The following SULT1A1 variants were observed in gnomAD, a reference collection of about 807,000 sequenced individuals.
The protein encoded by SULT1A1 is sulfotransferase 1A1.
A neutral mutation model predicts 36.8 loss-of-function variants in SULT1A1; 35 were observed. The observed-to-expected ratio is 0.95, with a 90% CI of 0.73 to 1.26. The LOEUF (loss-of-function observed/expected upper bound fraction) is 1.26, where lower values mean the gene tolerates loss of function less well. Among genes scored for constraint, SULT1A1 ranks in the 50% most tolerant of loss-of-function variants. SULT1A1 has a pLI of 0.00. For synonymous variants in SULT1A1, 119 were observed against 146.0 expected, an observed-to-expected ratio of 0.82 and a Z score of 1.33; for missense variants, 309 against 383.0, an observed-to-expected ratio of 0.81 and a Z score of 1.61.
intron 2 of SULT1A1, among the ~76,000 whole-genome samples, chr16:28,619,745 T>TGTAC (rs2047612227): frequency 7.0e-5 from 1 of 14,264 alleles, no homozygotes; most frequent in African/African-American, 1.2e-4. Flanking sequence ...AAAAAATATA[T>TGTAC]ATATACATAT....
At chr16:28,610,264 G>GGTTTTTTTTTTTTTT, upstream of SULT1A1, 1 of 346,646 alleles carries the variant, frequency 2.9e-6, no homozygotes, top group Non-Finnish European at 4.3e-6. Flanking sequence ...TTTTTTTTCT[G>GGTTTTTTTTTTTTTT]TTTTTTTTTT....
chr16:28,610,835 C>T (rs1487959106), upstream of SULT1A1: 4 of 152,398 alleles, frequency 2.6e-5, no homozygotes, highest in South Asian at 2.1e-4. Context: ...CCATCCTCCT[C>T]GTTCTTTATC....
chr16:28,622,132 T>TCTAC (rs2047668728), intron 1 of SULT1A1, among the ~76,000 whole-genome samples: 1 of 152,180 alleles, frequency 6.6e-6, no homozygotes, highest in Non-Finnish European at 1.5e-5. Context: ...GGACCCCTAC[T>TCTAC]CTACATGCAA....
intron 4 of SULT1A1, 148 bp downstream of exon 4, chr16:28,608,131 GCACCCGCCACCA>G (rs1355908118): frequency 2.8e-6 from 3 of 1,062,908 alleles, no homozygotes; most frequent in Non-Finnish European, 4.0e-6. Context: ...GGGATTACAG[GCACCCGCCACCA>G]CACCCGGCTA....
At chr16:28,615,653 G>A (rs967593890) in intron 2 of SULT1A1, among the ~76,000 whole-genome samples, 11 of 152,114 alleles carry the variant, frequency 7.2e-5, no homozygotes, top group African/African-American at 2.2e-4. Context: ...AGTTGGGCCC[G>A]GGTGACCACT....
chr16:28,606,872 G>A lies in SULT1A1; in HGVS notation c.500-17C>T, dbSNP rs2047218820. 3.1e-6 allele frequency: 5 copies of A among 1,612,494 alleles called. No homozygotes were observed. In the East Asian group the frequency reaches 8.9e-5, roughly 29 times the overall value. The stretch of plus-strand genomic sequence containing the variant: ...CGTAGGACACTGGAGAAGCAGGCAA[G>A]GGGTGCCAACACAGGGTTGCTGTGC... On this transcript the variant is annotated splice_polypyrimidine_tract_variant and intron_variant, in intron 5 of 7. Transcript: ENST00000314752.
At chr16:28,616,811 TC>T (rs1442725518) in intron 2 of SULT1A1, among the ~76,000 whole-genome samples, 3 of 152,256 alleles carry the variant, frequency 2.0e-5, no homozygotes, top group Admixed American at 2.0e-4. Context: ...AAGTGCAAGA[TC>T]CTCAGCTCCG....
rs1402734618 is a variant in SULT1A1, at chr16:28,605,720, CATG to C, written c.*98_*100del. ...GCCTCCAAATTGCTGGGATTACAGA[CATG>C]ACCTACCGTCCCGGGCCCTCAATTC... is the stretch of plus-strand genomic sequence containing the variant. On this transcript the variant is annotated 3_prime_UTR_variant, in exon 8 of 8. Coordinates refer to ENST00000314752, the MANE Select transcript of SULT1A1 (RefSeq NM_001055.4). 1 of 1,563,974 alleles carries C rather than the reference CATG, an allele frequency of 6.4e-7. No homozygotes were observed. The highest frequency in any genetic ancestry group is 2.3e-5 in the East Asian group (1 of 43,226).
chr16:28,607,013 G>C lies in SULT1A1; in HGVS notation c.437C>G (p.Ala146Gly). 6.2e-7 allele frequency: 1 copy of C among 1,612,540 alleles called. No homozygotes were observed. Among genetic ancestry groups the C allele is most frequent in the East Asian group, 2.2e-5 (1 of 44,874 alleles). Residue 146 changes from alanine (A) to glycine (G), a missense_variant, in exon 5 of 8, where the codon GCC becomes GGC. This residue lies in a region of SULT1A1 where 219 missense variants were observed against 215.3 expected (regional missense o/e 1.02). Transcript: ENST00000314752. ...GGTCCCAGGCTCAGGGTGCACCTTG[G>C]CCATGTGGTAGAAGTGGTAGTAGGA... ...AVSYYHFYHM[A>G]KVHPEPGTWD... is the part of the protein sequence containing the mutation.
At chr16:28,617,932 C>T (rs2047577514) in intron 2 of SULT1A1, among the ~76,000 whole-genome samples, 1 of 152,122 alleles carries the variant, frequency 6.6e-6, no homozygotes, top group Non-Finnish European at 1.5e-5. Context: ...AGATGAGACT[C>T]ACTCATTGTA....
At chr16:28,618,062 C>G (rs1174120165) in intron 2 of SULT1A1, among the ~76,000 whole-genome samples, 3 of 144,990 alleles carry the variant, frequency 2.1e-5, no homozygotes, top group African/African-American at 7.6e-5. Flanking sequence ...TTTTTTGAAC[C>G]AGGGCCTCAC....
At chr16:28,610,526 T>C, upstream of SULT1A1, 1 of 301,540 alleles carries the variant, frequency 3.3e-6, no homozygotes, top group Non-Finnish European at 6.5e-6. Context: ...CTCCAGGCTC[T>C]GACCACAAGG....
intron 2 of SULT1A1, among the ~76,000 whole-genome samples, chr16:28,619,659 G>A (rs1316113768): frequency 6.6e-6 from 1 of 151,776 alleles, no homozygotes; most frequent in Non-Finnish European, 1.5e-5. Context: ...GGTCCAGGCT[G>A]CAGTGAGCCA....
Position 28,608,218 on chromosome 16 carries a change from C to T in SULT1A1, c.372+73G>A, listed in dbSNP as rs2047295364. ...CTCAGGGTGCTCTCAAACTCCCAACCTCAGGTGATCTGCCTGCCTCAGCCT... is the reference window on the plus strand; with the variant it reads ...CTCAGGGTGCTCTCAAACTCCCAACTTCAGGTGATCTGCCTGCCTCAGCCT... On this transcript the variant is annotated intron_variant, in intron 4 of 7. Transcript: ENST00000314752. 6 of 1,585,836 alleles carry T rather than the reference C, an allele frequency of 3.8e-6. 1 individual carries two copies. The highest frequency in any genetic ancestry group is 3.4e-5 in the South Asian group (3 of 88,730).
upstream of SULT1A1, chr16:28,610,103 T>A (rs1162561486): frequency 3.3e-6 from 4 of 1,200,298 alleles, no homozygotes; most frequent in African/African-American, 4.7e-5. Flanking sequence ...AGGGGTGGGG[T>A]TGGGGGTGGG....
In SULT1A1 at chr16:28,606,216, T is replaced by C. The variant is rs145140244; in HGVS notation, c.615A>G (p.Gln205=). Residue 205 remains glutamine (Q), a synonymous_variant, in exon 7 of 8, where the codon CAA becomes CAG. Transcript: ENST00000314752. ...DMKENPKREI[Q]KILEFVGRSL... ...AGCGCCCCACAAACTCCAGGATCTT[T>C]TGAATCTCCCTTTTCGGGTTCTGAG... 6.2e-7 allele frequency: 1 copy of C among 1,610,456 alleles called. No homozygotes were observed. The highest frequency in any genetic ancestry group is 1.3e-5 in the African/African-American group (1 of 74,816).
At chr16:28,609,196 G>T in intron 1 of SULT1A1, 1 of 1,323,842 alleles carries the variant, frequency 7.6e-7, no homozygotes, top group African/African-American at 1.5e-5. Flanking sequence ...CACTGAGGAA[G>T]CTCTAGGACC....
upstream of SULT1A1, chr16:28,610,823 C>T (rs1391637529): frequency 1.3e-5 from 2 of 152,564 alleles, no homozygotes; most frequent in Admixed American, 6.5e-5. Context: ...GGGGGCATCC[C>T]CCCATCCTCC....
chr16:28,617,113 T>C (rs1454237610), intron 2 of SULT1A1, among the ~76,000 whole-genome samples: 1 of 152,012 alleles, frequency 6.6e-6, no homozygotes, highest in East Asian at 1.9e-4. Flanking sequence ...CCTCCTGGGC[T>C]CAGGAGATCC....
Sources: allele counts gnomAD v4.1 joint callset (sites outside exome capture counted in the v4.1 genomes callset), GRCh38; gene constraint gnomAD v4.1.1; regional missense constraint gnomAD v4.1.1; transcripts MANE v1.5; gene names NCBI Gene and HGNC (gene_info 2026-07-23, HGNC 2026-07-21).